Variants in UNC5A observed in about 807,000 individuals in gnomAD.
UNC5A encodes unc-5 netrin receptor A.
UNC5A carries 20 observed loss-of-function variants against 87.4 expected under a neutral mutation model. The observed-to-expected ratio is 0.23, with a 90% confidence interval of 0.16 to 0.33. UNC5A has a LOEUF of 0.33. UNC5A is among the 10% of genes least tolerant of loss of function. UNC5A has a pLI of 1.00. For synonymous variants in UNC5A, 438 were observed against 482.3 expected (o/e 0.91, Z 1.20); for missense variants, 844 against 1,133.4 (o/e 0.74, Z 3.67).
chr5:176,815,139 T>C (rs551414277), intron 1 of UNC5A, among the ~76,000 whole-genome samples: 1 of 152,290 alleles, frequency 6.6e-6, no homozygotes, highest in Admixed American at 6.5e-5. Flanking sequence ...CTGGCATGGA[T>C]TTTCCCAGAG....
intron 1 of UNC5A, among the ~76,000 whole-genome samples, chr5:176,847,575 C>A (rs1162986516): frequency 6.6e-6 from 1 of 152,118 alleles, no homozygotes; most frequent in African/African-American, 2.4e-5. Context: ...TAATTTATAT[C>A]CACTGGTAGC....
chr5:176,843,188 GA>G (rs1468584342), intron 1 of UNC5A, among the ~76,000 whole-genome samples: 1 of 151,432 alleles, frequency 6.6e-6, no homozygotes, highest in Non-Finnish European at 1.5e-5. Context: ...AAGAAAGAAA[GA>G]AAGAAAAAAA....
rs1201811649 is a variant in UNC5A, at chr5:176,877,245, A to C, written c.1432A>C (p.Ile478Leu). The part of the protein sequence containing the change: ...DAIPRGKIYE[I>L]YLTLHKPEDV... ...CATACCCCGAGGGAAGATCTATGAG[A>C]TCTACCTCACGCTGCACAAGCCGGA... The change falls in exon 9 of 15, where the codon ATC becomes CTC. Residue 478 changes from isoleucine to leucine, a missense_variant. This residue lies in a region of UNC5A where 353 missense variants were observed against 387.5 expected (regional missense o/e 0.91). Transcript: ENST00000329542. 4 of 1,612,738 alleles carry C rather than the reference A, an allele frequency of 2.5e-6. No individual in the cohort carries two copies. Among genetic ancestry groups the C allele is most frequent in the Non-Finnish European group, 3.4e-6 (4 of 1,179,778 alleles).
chr5:176,812,284 C>A (rs767180139), intron 1 of UNC5A, among the ~76,000 whole-genome samples: 8 of 152,316 alleles, frequency 5.3e-5, no homozygotes, highest in Middle Eastern at 3.4e-3. Flanking sequence ...TAGTGCCCCA[C>A]ACACAGGTGG....
chr5:176,818,209 G>T (rs1419497963), intron 1 of UNC5A, among the ~76,000 whole-genome samples: 1 of 152,188 alleles, frequency 6.6e-6, no homozygotes, highest in Non-Finnish European at 1.5e-5. Flanking sequence ...GGCTGATCTC[G>T]CTGCGAAAGG....
intron 1 of UNC5A, among the ~76,000 whole-genome samples, chr5:176,814,367 T>C (rs1756538259): frequency 6.6e-6 from 1 of 152,234 alleles, no homozygotes; most frequent in Admixed American, 6.5e-5. Flanking sequence ...TGGCTCTGAC[T>C]GCTGGTGGGG....
intron 1 of UNC5A, among the ~76,000 whole-genome samples, chr5:176,811,428 C>T (rs531965402): frequency 1.3e-5 from 2 of 152,340 alleles, no homozygotes; most frequent in East Asian, 3.9e-4. Flanking sequence ...GCCGCGGTCC[C>T]GGTGGCCGGG....
chr5:176,840,947 A>G (rs1757261925), intron 1 of UNC5A, among the ~76,000 whole-genome samples: 1 of 152,226 alleles, frequency 6.6e-6, no homozygotes, highest in Non-Finnish European at 1.5e-5. Flanking sequence ...TGGAGCTTCC[A>G]TTTGATCCCC....
intron 1 of UNC5A, among the ~76,000 whole-genome samples, chr5:176,820,655 G>C (rs1000289483): frequency 6.6e-6 from 1 of 152,286 alleles, no homozygotes; most frequent in Middle Eastern, 3.4e-3. Flanking sequence ...GGCCTCTCAC[G>C]GTCCCTCCTT....
At chr5:176,845,633 C>T (rs987717359) in intron 1 of UNC5A, among the ~76,000 whole-genome samples, 3 of 152,194 alleles carry the variant, frequency 2.0e-5, no homozygotes, top group Non-Finnish European at 4.4e-5. Context: ...TGAGCCAGGC[C>T]CTGGTCCAGG....
intron 1 of UNC5A, among the ~76,000 whole-genome samples, chr5:176,829,034 G>A (rs1756922519): frequency 6.6e-6 from 1 of 151,788 alleles, no homozygotes; most frequent in South Asian, 2.1e-4. Context: ...GGCTGAGGCA[G>A]GAGAATCAAT....
At chr5:176,849,286 A>G (rs774881110) in intron 1 of UNC5A, among the ~76,000 whole-genome samples, 1 of 151,872 alleles carries the variant, frequency 6.6e-6, no homozygotes, top group African/African-American at 2.4e-5. Context: ...TCCCTTGGGG[A>G]AAAAAAAATC....
At chr5:176,813,919 C>T (rs913015868) in intron 1 of UNC5A, among the ~76,000 whole-genome samples, 1 of 152,176 alleles carries the variant, frequency 6.6e-6, no homozygotes, top group Non-Finnish European at 1.5e-5. Context: ...CTAGGCCACC[C>T]CTCTCCCAAT....
At position 176,874,489 on chromosome 5, in the gene UNC5A, C is replaced by G. The variant is rs745845724; in HGVS notation, c.1301C>G (p.Ser434Cys). 6.2e-7 allele frequency: 1 copy of G among 1,611,428 alleles called. No homozygotes were observed. The highest frequency in any genetic ancestry group is 8.5e-7 in the Non-Finnish European group (1 of 1,178,522). ...CTCTCCACCCAGAACTACTTCCGCT[C>G]CCTGCCCCGAGGCACCAGCAACATG... is the stretch of plus-strand genomic sequence containing the variant. ...SRLSTQNYFR[S>C]LPRGTSNMTY... The change falls in exon 8 of 15, where the codon TCC (serine) becomes TGC (cysteine). Residue 434 changes from serine (S) to cysteine (C), a missense_variant. By Grantham distance (112) the Ser-to-Cys change is moderately radical. This residue lies in a region of UNC5A where 353 missense variants were observed against 387.5 expected (regional missense o/e 0.91). Transcript: ENST00000329542. The surrounding 1 kb of genome is among the most constrained non-coding windows in gnomAD (Gnocchi z 7.6).
chr5:176,817,750 G>T (rs1161884880), intron 1 of UNC5A, among the ~76,000 whole-genome samples: 1 of 152,026 alleles, frequency 6.6e-6, no homozygotes, highest in Non-Finnish European at 1.5e-5. Flanking sequence ...GCGGGTGCCC[G>T]AGCCCACGGC....
chr5:176,817,581 C>T (rs1756623568), intron 1 of UNC5A, among the ~76,000 whole-genome samples: 1 of 151,880 alleles, frequency 6.6e-6, no homozygotes, highest in Non-Finnish European at 1.5e-5. Context: ...CGCCCCTCCC[C>T]ACCCCCGCCC....
At chr5:176,840,377 GC>G (rs1757246788) in intron 1 of UNC5A, among the ~76,000 whole-genome samples, 1 of 152,172 alleles carries the variant, frequency 6.6e-6, no homozygotes, top group Non-Finnish European at 1.5e-5. Context: ...CGGGGGAGGG[GC>G]TGGGCGGCAG....
intron 1 of UNC5A, among the ~76,000 whole-genome samples, chr5:176,853,688 C>T (rs1757600039): frequency 6.6e-6 from 1 of 152,224 alleles, no homozygotes; most frequent in South Asian, 2.1e-4. Context: ...CATCCAGTCA[C>T]CTCCACATCC....
chr5:176,840,590 TGGCAGAG>T, intron 1 of UNC5A, among the ~76,000 whole-genome samples: 1 of 152,166 alleles, frequency 6.6e-6, no homozygotes, highest in East Asian at 1.9e-4. Context: ...GAGCTCAGAG[TGGCAGAG>T]GGCTCATGTG....
Sources: allele counts gnomAD v4.1 joint callset (sites outside exome capture counted in the v4.1 genomes callset), GRCh38; gene constraint gnomAD v4.1.1; regional missense constraint gnomAD v4.1.1; non-coding constraint Gnocchi (gnomAD v3.1); transcripts MANE v1.5; gene names NCBI Gene and HGNC (gene_info 2026-07-23, HGNC 2026-07-21).